The following UCN3 variants were observed in gnomAD, a reference collection of about 807,000 sequenced individuals.
The protein encoded by UCN3 is urocortin-3.
A neutral mutation model predicts 3.6 loss-of-function variants in UCN3; 3 were observed. The observed-to-expected ratio is 0.83, with a 90% CI of 0.38 to 2.15. The LOEUF (loss-of-function observed/expected upper bound fraction) is 2.15. UCN3 is among the 30% of genes most tolerant of loss of function. UCN3 has a pLI of 0.06. For synonymous variants in UCN3, 100 were observed against 93.2 expected (o/e 1.07, Z -0.42); for missense variants, 206 against 208.3 (o/e 0.99, Z 0.07).
chr10:5,372,301 C>T (rs1831440786), intron 1 of UCN3, among the ~76,000 whole-genome samples: 1 of 152,148 alleles, frequency 6.6e-6, no homozygotes, highest in African/African-American at 2.4e-5. Context: ...CATGGGCAAC[C>T]TGAACTCTGA....
At chr10:5,370,833 G>T (rs1831401651) in intron 1 of UCN3, among the ~76,000 whole-genome samples, 1 of 90,710 alleles carries the variant, frequency 1.1e-5, no homozygotes, top group Non-Finnish European at 2.2e-5. Flanking sequence ...GCGCGCGTGT[G>T]TGTGCGCGTG....
rs1196586075 is a variant in UCN3 at position 5,365,378 on chromosome 10, C to A, written c.-7+148C>A. 6 of 152,480 alleles carry A rather than the reference C, an allele frequency of 3.9e-5. No individual in the cohort carries two copies. The highest frequency in any genetic ancestry group is 5.9e-5 in the Non-Finnish European group (4 of 68,258). 9.4% of individuals were successfully genotyped at this position (152,480 alleles called of 1,614,324 possible). ...CAAGGGAGCGATGCTGAACGCCCCCCACCCAATCAGCAGAAATCAGCCCCA... is the reference window on the plus strand; with the variant it reads ...CAAGGGAGCGATGCTGAACGCCCCCAACCCAATCAGCAGAAATCAGCCCCA... On this transcript the variant is annotated intron_variant, in intron 1 of 1. Coordinates refer to ENST00000380433, the MANE Select transcript of UCN3 (RefSeq NM_053049.4). The surrounding 1 kb of genome is among the most constrained non-coding windows in gnomAD (Gnocchi z 4.4).
chr10:5,369,041 C>T (rs1173265888), intron 1 of UCN3, among the ~76,000 whole-genome samples: 1 of 152,146 alleles, frequency 6.6e-6, no homozygotes, highest in Admixed American at 6.5e-5. Context: ...GACGGGGCCC[C>T]GCAGGCTGTG....
intron 1 of UCN3, among the ~76,000 whole-genome samples, chr10:5,369,796 T>A (rs1170067206): frequency 2.0e-5 from 3 of 152,146 alleles, no homozygotes; most frequent in African/African-American, 7.2e-5. Context: ...ACAGCTGCAA[T>A]GTGGAGAACC....
intron 1 of UCN3, among the ~76,000 whole-genome samples, chr10:5,371,385 T>G (rs1428021466): frequency 6.6e-6 from 1 of 151,998 alleles, no homozygotes; most frequent in East Asian, 1.9e-4. Context: ...TGGGTGCATG[T>G]GTATGTGTAT....
intron 1 of UCN3, among the ~76,000 whole-genome samples, chr10:5,369,288 T>C (rs1296825133): frequency 6.6e-6 from 1 of 152,190 alleles, no homozygotes; most frequent in East Asian, 1.9e-4. Context: ...GTGTGTAAAA[T>C]GCACTTCTGA....
At chr10:5,369,384 G>T (rs1831302072) in intron 1 of UCN3, among the ~76,000 whole-genome samples, 1 of 152,248 alleles carries the variant, frequency 6.6e-6, no homozygotes, top group Non-Finnish European at 1.5e-5. Flanking sequence ...CATCTGCTCA[G>T]ACAAGGAGCT....
rs1831467436 is a variant in UCN3, at chr10:5,374,045, C to T, written c.325C>T (p.Gln109Ter). The T allele has an allele frequency of 6.2e-7, 1 of 1,612,936 alleles. No individual in the cohort carries two copies. The highest frequency in any genetic ancestry group is 1.7e-5 in the Admixed American group (1 of 59,888). The change falls in exon 2 of 2, where the codon CAG becomes TAG. Residue 109 changes from glutamine (Q) to a stop codon, truncating the protein, a stop_gained. Transcript: ENST00000380433. LOFTEE classifies it high-confidence loss of function. ...AGCACAGCCCAGGGGAAAGCCACGC[C>T]AGGACACGGCCAAGAGTCCCCACCG... ...SQAQPRGKPR[Q>*]DTAKSPHRTK...
chr10:5,372,241 G>T (rs782346916), intron 1 of UCN3, among the ~76,000 whole-genome samples: 1 of 152,148 alleles, frequency 6.6e-6, no homozygotes, highest in Non-Finnish European at 1.5e-5. Flanking sequence ...TGATCTCAGG[G>T]CACAGGAAGT....
At position 5,370,399 on chromosome 10, in the gene UCN3, G is replaced by A. The variant is rs868925527; in HGVS notation, c.-6-3316G>A. ...TATGCGTGTATATGCGTGTGTATAT[G>A]TGTGTGTATATGTGTGTGTGTATAT... On this transcript the variant is annotated intron_variant, in intron 1 of 1. Transcript: ENST00000380433. Among the ~76,000 whole-genome samples the A allele has an allele frequency of 1.7e-4, 16 of 96,928 alleles. 5 individuals are homozygous for A. The highest frequency in any genetic ancestry group is 2.6e-4 in the African/African-American group (6 of 22,806). 63.6% of individuals were successfully genotyped at this position (96,928 alleles called of 152,430 possible).
chr10:5,370,901 GTATA>G (rs1273903317), intron 1 of UCN3, among the ~76,000 whole-genome samples: 1 of 148,508 alleles, frequency 6.7e-6, no homozygotes, highest in South Asian at 2.1e-4. Flanking sequence ...ATATGCGTGT[GTATA>G]TGCGTGTGTA....
At position 5,370,777 on chromosome 10, in the gene UCN3, G is replaced by A. The variant is rs1353392091; in HGVS notation, c.-6-2938G>A. Among the ~76,000 whole-genome samples the A allele has an allele frequency of 7.6e-5, 10 of 131,534 alleles. 1 individual carries two copies. Among genetic ancestry groups the A allele is most frequent in the African/African-American group, 3.0e-4 (10 of 32,862 alleles). 86.3% of individuals were successfully genotyped at this position (131,534 alleles called of 152,430 possible). ...TGTGTGTGTATATGCGTGTGTATATGCGTGTGTGTGTGTATGCGTGTGTAT... is the reference window on the plus strand; with the variant it reads ...TGTGTGTGTATATGCGTGTGTATATACGTGTGTGTGTGTATGCGTGTGTAT... On this transcript the variant is annotated intron_variant, in intron 1 of 1. Transcript: ENST00000380433.
rs1831475422 is a variant in UCN3, at chr10:5,374,344, G to A, written c.*138G>A. 1 of 805,196 alleles carries A rather than the reference G, an allele frequency of 1.2e-6. No individual in the cohort carries two copies. Among genetic ancestry groups the A allele is most frequent in the South Asian group, 1.7e-5 (1 of 57,354 alleles). The allele number at this position is 805,196 out of a possible 1,614,324, so 49.9% of individuals were successfully genotyped here. The stretch of plus-strand genomic sequence containing the variant: ...GGATCAGTCAGTTTTACAGGTTGCT[G>A]CACTGCTGAGCCCCTCTGATCTCTT... On this transcript the variant is annotated 3_prime_UTR_variant, in exon 2 of 2. Coordinates refer to ENST00000380433, the MANE Select transcript of UCN3 (RefSeq NM_053049.4).
intron 1 of UCN3, among the ~76,000 whole-genome samples, chr10:5,371,981 C>T (rs539447452): frequency 6.6e-5 from 10 of 152,146 alleles, no homozygotes; most frequent in Non-Finnish European, 1.0e-4. Flanking sequence ...CAGGATAGCC[C>T]AGGGGATGGT....
chr10:5,370,872 T>TGTGTGTATATGC lies in UCN3; in HGVS notation c.-6-2795_-6-2784dup, dbSNP rs782063612. Among the ~76,000 whole-genome samples the TGTGTGTATATGC allele has an allele frequency of 6.3e-3, 517 of 81,714 alleles. 16 individuals carry two copies. The highest frequency in any genetic ancestry group is 7.2e-3 in the Non-Finnish European group (289 of 40,254). The allele number at this position is 81,714 out of a possible 152,430, so 53.6% of individuals were successfully genotyped here. On this transcript the variant is annotated intron_variant, in intron 1 of 1. Coordinates refer to ENST00000380433, the MANE Select transcript of UCN3 (RefSeq NM_053049.4). ...GTGCGCGTGTGTGTGCGTGTGTATG[T>TGTGTGTATATGC]GTGTGTATATGCGTGTGTATATGCG...
rs146162534 is a variant in UCN3, at chr10:5,374,053, G to A, written c.333G>A (p.Thr111=). The change falls in exon 2 of 2, where the codon ACG becomes ACA. Residue 111 remains threonine, a synonymous_variant. Transcript: ENST00000380433. The stretch of plus-strand genomic sequence containing the variant: ...CCAGGGGAAAGCCACGCCAGGACAC[G>A]GCCAAGAGTCCCCACCGCACCAAGT... ...AQPRGKPRQD[T]AKSPHRTKFT... 1.3e-3 allele frequency: 2,036 copies of A among 1,613,078 alleles called. 19 individuals carry two copies. The African/African-American group carries it at 0.024, about 19-fold the overall frequency.
chr10:5,371,301 CTATA>C (rs1451662461), intron 1 of UCN3, among the ~76,000 whole-genome samples: 2 of 149,960 alleles, frequency 1.3e-5, no homozygotes, highest in Middle Eastern at 3.5e-3. Context: ...GTGCATGTGT[CTATA>C]TGTATGTGTA....
rs1357078758 is a variant in UCN3 at position 5,369,933 on chromosome 10, GTGTGTA to G, written c.-6-3776_-6-3771del. ...TGTGTATATGTGTGTGTATGTGTGT[GTGTGTA>G]TGTGTGTGTATATGTGTGTGTATAT... On this transcript the variant is annotated intron_variant, in intron 1 of 1. Coordinates refer to ENST00000380433, the MANE Select transcript of UCN3 (RefSeq NM_053049.4). Among the ~76,000 whole-genome samples the G allele has an allele frequency of 8.8e-3, 1,244 of 140,672 alleles. 249 individuals carry two copies. The highest frequency in any genetic ancestry group is 0.036 in the African/African-American group (1,172 of 32,300). The allele number at this position is 140,672 out of a possible 152,430, so 92.3% of individuals were successfully genotyped here. A position where few individuals can be genotyped will look rare whatever the true frequency, so the allele number is the denominator to read the frequency against.
rs532920264 is a variant in UCN3 at position 5,370,744 on chromosome 10, G to A, written c.-6-2971G>A. On this transcript the variant is annotated intron_variant, in intron 1 of 1. Transcript: ENST00000380433. The stretch of plus-strand genomic sequence containing the variant: ...TGTATATGCGTGTGTATATGTGTGT[G>A]TATATGATGTGTGTGTATATGCGTG... 7.5e-5 allele frequency among the ~76,000 whole-genome samples: 9 copies of A among 120,278 alleles called. 1 individual carries two copies. The highest frequency in any genetic ancestry group is 3.0e-4 in the South Asian group (1 of 3,332). 78.9% of individuals were successfully genotyped at this position (120,278 alleles called of 152,430 possible). A position where few individuals can be genotyped will look rare whatever the true frequency, so the allele number is the denominator to read the frequency against.
Sources: gnomAD v4.1 joint callset for allele counts (sites outside exome capture counted in the v4.1 genomes callset) on GRCh38, gnomAD v4.1.1 for gene constraint, Gnocchi (gnomAD v3.1) non-coding constraint, MANE v1.5 for transcripts, NCBI Gene and HGNC (gene_info 2026-07-23, HGNC 2026-07-21) for gene names.